The following ANKRD17 variants were observed in gnomAD, a reference collection of about 807,000 sequenced individuals.
The protein encoded by ANKRD17 is ankyrin repeat domain-containing protein 17.
In ANKRD17, 19 loss-of-function variants were observed where a neutral mutation model predicts 229.7. That is an observed-to-expected ratio of 0.08 (90% CI 0.06 to 0.12). ANKRD17 has a LOEUF of 0.12. Among genes scored for constraint, ANKRD17 ranks in the 10% least tolerant of loss-of-function variants. The pLI is 1.00. For missense variants in ANKRD17, 2,176 were observed against 3,176.8 expected (o/e 0.68, Z 7.57); for synonymous variants, 1,112 against 1,146.1 (o/e 0.97, Z 0.60).
rs780422365 is a variant in ANKRD17, at chr4:73,091,529, A to C, written c.6099T>G (p.Thr2033=). The C allele has an allele frequency of 1.8e-5, 29 of 1,614,024 alleles. No individual in the cohort carries two copies. Among genetic ancestry groups the C allele is most frequent in the Non-Finnish European group, 3.4e-6 (4 of 1,180,044 alleles). Residue 2033 remains threonine (T), a synonymous_variant, in exon 29 of 34, where the codon ACT becomes ACG. Coordinates refer to ENST00000358602, the MANE Select transcript of ANKRD17 (RefSeq NM_032217.5). Reference sequence around the variant, plus strand: ...ATGATACTGGATAGTGTTCTTTGGCAGTAGGCATAGGATATGTGGCATTTG... The same window carrying C: ...ATGATACTGGATAGTGTTCTTTGGCCGTAGGCATAGGATATGTGGCATTTG... ...APTNATYPMP[T]AKEHYPVSSP... is the part of the protein sequence containing the mutation.
chr4:73,077,029 T>G lies in ANKRD17; in HGVS notation c.7663A>C (p.Ile2555Leu), dbSNP rs186307346. ...APIPDGAGGP[I>L]FNGPHAADPS... The stretch of plus-strand genomic sequence containing the variant: ...TCTGCAGCATGAGGGCCATTAAATA[T>G]GGGTCCTCCAGCACCATCAGGGATA... Residue 2555 changes from isoleucine (I) to leucine (L), a missense_variant, in exon 33 of 34, where the codon ATA (isoleucine) becomes CTA (leucine). Around this residue, in one of 18 missense-constraint regions of ANKRD17, gnomAD observed 159 missense variants for 214.3 expected, o/e 0.74. Coordinates refer to ENST00000358602, the MANE Select transcript of ANKRD17 (RefSeq NM_032217.5). The G allele has an allele frequency of 2.5e-6, 4 of 1,613,824 alleles. No individual in the cohort carries two copies. The Admixed American group carries it at 5.0e-5, about 20-fold the overall frequency.
chr4:73,210,364 A>T (rs942498128), intron 1 of ANKRD17, among the ~76,000 whole-genome samples: 5 of 152,192 alleles, frequency 3.3e-5, no homozygotes, highest in African/African-American at 9.6e-5. Context: ...ACCTAGGAAC[A>T]AATTTCATGA....
intron 14 of ANKRD17, among the ~76,000 whole-genome samples, chr4:73,141,179 G>A (rs372927929): frequency 1.3e-5 from 2 of 152,208 alleles, no homozygotes; most frequent in African/African-American, 2.4e-5. Flanking sequence ...ATTCAAACCG[G>A]TAGGTATAAA....
intron 2 of ANKRD17, among the ~76,000 whole-genome samples, chr4:73,170,576 G>T (rs75052885): frequency 0.022 from 3,323 of 152,134 alleles, 121 homozygotes; most frequent in African/African-American, 0.076. Context: ...GACTCTCGGG[G>T]TCTCCTATTC....
At chr4:73,198,515 A>T (rs1163324001) in intron 1 of ANKRD17, among the ~76,000 whole-genome samples, 1 of 152,170 alleles carries the variant, frequency 6.6e-6, no homozygotes. Context: ...AAATGAATGA[A>T]ATATGTATAT....
chr4:73,161,399 A>G, intron 2 of ANKRD17, 51 bp from the exon 3 acceptor site: 1 of 1,585,732 alleles, frequency 6.3e-7, no homozygotes, highest in East Asian at 2.2e-5. Flanking sequence ...GGAGAAACAA[A>G]GCAAAATTCA....
chr4:73,203,493 C>T (rs145959251), intron 1 of ANKRD17, among the ~76,000 whole-genome samples: 3,073 of 152,194 alleles, frequency 0.02, 45 homozygotes, highest in South Asian at 0.045. Context: ...CGCGATGGCT[C>T]ACACCTGTAA....
At chr4:73,220,629 G>T (rs896812414) in intron 1 of ANKRD17, among the ~76,000 whole-genome samples, 8 of 151,984 alleles carry the variant, frequency 5.3e-5, no homozygotes, top group Admixed American at 5.2e-4. Flanking sequence ...ATTGACTTTT[G>T]TTAACTAATA....
In ANKRD17 at chr4:73,073,716, T is replaced by C. The variant is rs1199068392; in HGVS notation, c.*2515A>G. On this transcript the variant is annotated 3_prime_UTR_variant, in exon 34 of 34. Transcript: ENST00000358602. ...GGGGAAATTTCTTCTTTATAAACAGTGAAGTCAGTGTTTGTAAATATGTTG... is the reference window on the plus strand; with the variant it reads ...GGGGAAATTTCTTCTTTATAAACAGCGAAGTCAGTGTTTGTAAATATGTTG... 1 of 152,010 alleles carries C rather than the reference T, an allele frequency of 6.6e-6. No individual in the cohort carries two copies. Among genetic ancestry groups the C allele is most frequent in the East Asian group, 1.9e-4 (1 of 5,198 alleles). 9.4% of individuals were successfully genotyped at this position (152,010 alleles called of 1,614,324 possible).
intron 1 of ANKRD17, among the ~76,000 whole-genome samples, chr4:73,198,031 C>G (rs555971749): frequency 6.6e-6 from 1 of 152,154 alleles, no homozygotes; most frequent in East Asian, 1.9e-4. Context: ...TTTAAACCAC[C>G]ATCATTCCTC....
intron 21 of ANKRD17, among the ~76,000 whole-genome samples, chr4:73,119,575 T>C (rs570161706): frequency 6.6e-6 from 1 of 152,312 alleles, no homozygotes; most frequent in Non-Finnish European, 1.5e-5. Flanking sequence ...ATGATGTAGA[T>C]GGGAAGAACC....
chr4:73,234,122 T>C (rs1006456694), intron 1 of ANKRD17, among the ~76,000 whole-genome samples: 5 of 152,156 alleles, frequency 3.3e-5, no homozygotes, highest in African/African-American at 1.2e-4. Flanking sequence ...ATATTTTCCA[T>C]GCTTCTTTAA....
chr4:73,231,257 G>A (rs530764557), intron 1 of ANKRD17, among the ~76,000 whole-genome samples: 18 of 152,252 alleles, frequency 1.2e-4, no homozygotes, highest in African/African-American at 4.1e-4. Context: ...ACCACTCTGG[G>A]GGAATGAAGA....
Position 73,091,976 on chromosome 4 carries a change from T to G in ANKRD17, c.5652A>C (p.Ala1884=), listed in dbSNP as rs1225418623. Residue 1884 remains alanine (A), a synonymous_variant, in exon 29 of 34, where the codon GCA becomes GCC. Coordinates refer to ENST00000358602, the MANE Select transcript of ANKRD17 (RefSeq NM_032217.5). The part of the protein sequence containing the change: ...RPGFPVSLPL[A]YPPPQFAHAL... ...CATGTGCAAACTGTGGAGGAGGATA[T>G]GCTAATGGAAGAGAAACTGGAAAAC... 6.2e-7 allele frequency: 1 copy of G among 1,614,154 alleles called. No individual in the cohort carries two copies. The highest frequency in any genetic ancestry group is 1.6e-4 in the Middle Eastern group (1 of 6,062).
intron 2 of ANKRD17, among the ~76,000 whole-genome samples, chr4:73,175,133 A>G (rs1734559354): frequency 6.6e-6 from 1 of 152,228 alleles, no homozygotes; most frequent in African/African-American, 2.4e-5. Flanking sequence ...TTATCAAGAA[A>G]AGAGGTTTAA....
intron 30 of ANKRD17, among the ~76,000 whole-genome samples, chr4:73,084,441 T>A (rs1266746023): frequency 6.9e-6 from 1 of 145,434 alleles, no homozygotes; most frequent in African/African-American, 2.5e-5. Context: ...GTGTTGTTAA[T>A]GCAGATGAGA....
Position 73,121,614 on chromosome 4 carries a change from T to C in ANKRD17, c.3635+3A>G, listed in dbSNP as rs1726734232. Reference sequence around the variant, plus strand: ...GGGCTTACAGAAAGGGAATACAACTTGCCTAGAGTTAATCTCAGCTCCTGC... The same window carrying C: ...GGGCTTACAGAAAGGGAATACAACTCGCCTAGAGTTAATCTCAGCTCCTGC... On this transcript the variant is annotated splice_donor_region_variant and intron_variant, in intron 19 of 33. Coordinates refer to ENST00000358602, the MANE Select transcript of ANKRD17 (RefSeq NM_032217.5). 1.2e-6 allele frequency: 2 copies of C among 1,613,488 alleles called. No homozygotes were observed. Among genetic ancestry groups the C allele is most frequent in the Admixed American group, 3.3e-5 (2 of 59,982 alleles).
chr4:73,223,186 G>C (rs1742087073), intron 1 of ANKRD17: 2 of 600,408 alleles, frequency 3.3e-6, no homozygotes, highest in African/African-American at 1.9e-5. Flanking sequence ...AAAGAGCAGG[G>C]GGTGACTCAC....
At chr4:73,077,221 T>TA in intron 32 of ANKRD17, 117 bp from the exon 33 acceptor site, 1 of 1,329,158 alleles carries the variant, frequency 7.5e-7, no homozygotes. Flanking sequence ...ATGTGTAACT[T>TA]ATCTAAGAAA....
Sources: gnomAD v4.1 joint callset for allele counts (sites outside exome capture counted in the v4.1 genomes callset) on GRCh38, gnomAD v4.1.1 for gene constraint, gnomAD v4.1.1 regional missense constraint, MANE v1.5 for transcripts, NCBI Gene and HGNC (gene_info 2026-07-23, HGNC 2026-07-21) for gene names.